The following FYN variants were observed in gnomAD, a reference collection of about 807,000 sequenced individuals.
FYN encodes tyrosine-protein kinase Fyn.
FYN carries 10 observed loss-of-function variants against 70.2 expected under a neutral mutation model. The ratio of observed to expected loss-of-function variants is 0.14; its 90% CI spans 0.09 to 0.24. The LOEUF (loss-of-function observed/expected upper bound fraction) is 0.24, where lower values mean the gene tolerates loss of function less well. Among genes scored for constraint, FYN ranks in the 10% least tolerant of loss-of-function variants. FYN has a pLI of 1.00. For synonymous variants in FYN, 236 were observed against 248.6 expected, an observed-to-expected ratio of 0.95 and a Z score of 0.48; for missense variants, 319 against 673.1, an observed-to-expected ratio of 0.47 and a Z score of 5.82.
intron 2 of FYN, among the ~76,000 whole-genome samples, chr6:111,825,222 T>C (rs1772796352): frequency 6.6e-6 from 1 of 152,232 alleles, no homozygotes; most frequent in Non-Finnish European, 1.5e-5. Context: ...GCACCCTCTT[T>C]TCCATGTAGC....
At chr6:111,778,503 T>G (rs1461371351) in intron 3 of FYN, among the ~76,000 whole-genome samples, 1 of 152,102 alleles carries the variant, frequency 6.6e-6, no homozygotes, top group African/African-American at 2.4e-5. Flanking sequence ...ATTGCTTTTC[T>G]TTCCTCCCTC....
At chr6:111,742,830 C>T (rs370711472) in intron 3 of FYN, among the ~76,000 whole-genome samples, 30 of 152,182 alleles carry the variant, frequency 2.0e-4, no homozygotes, top group Admixed American at 9.8e-4. Flanking sequence ...CAGAGAAGTC[C>T]GGGTGACAAG....
chr6:111,858,478 G>A (rs769573375), intron 1 of FYN: 1 of 152,124 alleles, frequency 6.6e-6, no homozygotes, highest in Non-Finnish European at 1.5e-5. Context: ...CCTCCTCCGT[G>A]GCTTAATGTA....
At chr6:111,729,986 T>C (rs1270013776) in intron 3 of FYN, among the ~76,000 whole-genome samples, 1 of 152,242 alleles carries the variant, frequency 6.6e-6, no homozygotes, top group Non-Finnish European at 1.5e-5. Context: ...TGAATTTGTA[T>C]GTAAGTTGAA....
intron 9 of FYN, among the ~76,000 whole-genome samples, chr6:111,698,686 A>G (rs1583323900): frequency 6.6e-6 from 1 of 152,258 alleles, no homozygotes; most frequent in Admixed American, 6.5e-5. Flanking sequence ...AGCCTTATCA[A>G]TGACAATCAA....
intron 3 of FYN, among the ~76,000 whole-genome samples, chr6:111,760,630 C>G (rs1802965292): frequency 6.6e-6 from 1 of 152,224 alleles, no homozygotes; most frequent in African/African-American, 2.4e-5. Flanking sequence ...GCGCTCCTCA[C>G]ACAAAGAAGC....
At chr6:111,687,399 C>T (rs999556339) in intron 12 of FYN, among the ~76,000 whole-genome samples, 5 of 152,186 alleles carry the variant, frequency 3.3e-5, no homozygotes, top group Non-Finnish European at 7.3e-5. Flanking sequence ...TTTTTATTTA[C>T]AGTCCAAAGA....
At chr6:111,806,642 T>C (rs1193109484) in intron 2 of FYN, among the ~76,000 whole-genome samples, 1 of 152,196 alleles carries the variant, frequency 6.6e-6, no homozygotes, top group Non-Finnish European at 1.5e-5. Context: ...CTGCTGAATG[T>C]CCCGGCCCAC....
intron 2 of FYN, among the ~76,000 whole-genome samples, chr6:111,804,047 C>A (rs1361747229): frequency 6.6e-6 from 1 of 152,192 alleles, no homozygotes; most frequent in Admixed American, 6.5e-5. Context: ...AGTGTGGATA[C>A]AGCTACTAGT....
chr6:111,732,406 G>C (rs1473107550), intron 3 of FYN, among the ~76,000 whole-genome samples: 1 of 152,134 alleles, frequency 6.6e-6, no homozygotes, highest in Non-Finnish European at 1.5e-5. Context: ...TATCAGGCAG[G>C]GTTGCCCTGG....
At chr6:111,685,639 C>T (rs1172545240) in intron 12 of FYN, among the ~76,000 whole-genome samples, 2 of 152,314 alleles carry the variant, frequency 1.3e-5, no homozygotes, top group African/African-American at 4.8e-5. Flanking sequence ...GACAAGGAAG[C>T]CAACTGACAT....
intron 7 of FYN, 115 bp from the exon 8 acceptor site, chr6:111,703,149 C>A: frequency 1.2e-6 from 1 of 850,540 alleles, no homozygotes; most frequent in Non-Finnish European, 1.8e-6. Context: ...CACACATGTA[C>A]ACACACACAG....
chr6:111,773,624 GAAAGGAGA>G (rs1803583093), intron 3 of FYN, among the ~76,000 whole-genome samples: 1 of 69,318 alleles, frequency 1.4e-5, no homozygotes, highest in Non-Finnish European at 2.8e-5. Flanking sequence ...GAGAGAGGGG[GAAAGGAGA>G]GGGGGAGGGG....
At chr6:111,714,939 G>A (rs1800557308) in intron 4 of FYN, among the ~76,000 whole-genome samples, 1 of 152,132 alleles carries the variant, frequency 6.6e-6, no homozygotes, top group Non-Finnish European at 1.5e-5. Flanking sequence ...ATTTAGAGAA[G>A]ACCGTTTCTG....
At chr6:111,720,183 G>T in intron 3 of FYN, 121 bp from the exon 4 acceptor site, 4 of 1,173,050 alleles carry the variant, frequency 3.4e-6, no homozygotes, top group Non-Finnish European at 4.7e-6. Flanking sequence ...CTATTAGGGG[G>T]CATGAGGAAA....
At chr6:111,786,940 A>G (rs1360034884) in intron 2 of FYN, among the ~76,000 whole-genome samples, 3 of 152,098 alleles carry the variant, frequency 2.0e-5, no homozygotes, top group Non-Finnish European at 4.4e-5. Context: ...AATTTATTTG[A>G]GTTCTTTGTA....
intron 2 of FYN, among the ~76,000 whole-genome samples, chr6:111,795,710 A>G (rs1203262258): frequency 1.3e-5 from 2 of 152,218 alleles, no homozygotes; most frequent in East Asian, 3.8e-4. Context: ...AGAGTACTGA[A>G]CATATTAGGC....
intron 1 of FYN, among the ~76,000 whole-genome samples, chr6:111,867,385 G>C (rs376060475): frequency 1.7e-4 from 25 of 150,606 alleles, no homozygotes; most frequent in African/African-American, 5.9e-4. Context: ...AACCTGGGAG[G>C]TGGAGGTTGC....
chr6:111,846,472 A>G (rs539461487), intron 2 of FYN, 117 bp downstream of exon 2: 2 of 398,394 alleles, frequency 5.0e-6, no homozygotes, highest in Non-Finnish European at 4.4e-6. Context: ...TCTCTTAGAA[A>G]TCTATGGACT....
Sources: gnomAD v4.1 joint callset for allele counts (sites outside exome capture counted in the v4.1 genomes callset) on GRCh38, gnomAD v4.1.1 for gene constraint, MANE v1.5 for transcripts, NCBI Gene and HGNC (gene_info 2026-07-23, HGNC 2026-07-21) for gene names.